SGCD: variants seen among roughly 807,000 people sequenced by gnomAD.
SGCD encodes delta-sarcoglycan.
A neutral mutation model predicts 36.6 loss-of-function variants in SGCD; 18 were observed. That is an observed-to-expected ratio of 0.49 (90% CI 0.34 to 0.73). The LOEUF is 0.73. Among genes scored for constraint, SGCD ranks in the 30% least tolerant of loss-of-function variants. SGCD has a pLI of 0.01. For missense variants in SGCD, 387 were observed against 346.7 expected (o/e 1.12, Z -0.92); for synonymous variants, 133 against 130.6 (o/e 1.02, Z -0.12).
At chr5:155,926,074 T>G (rs140583667) in intron 1 of SGCD, among the ~76,000 whole-genome samples, 178 of 152,260 alleles carry the variant, frequency 1.2e-3, no homozygotes, top group Middle Eastern at 3.4e-3. Context: ...CCAACTTTCA[T>G]CTGCTTGTGA....
intron 4 of SGCD, among the ~76,000 whole-genome samples, chr5:156,534,822 G>A (rs570351445): frequency 2.8e-4 from 42 of 152,254 alleles, no homozygotes; most frequent in African/African-American, 9.9e-4. Context: ...TATACAGGGT[G>A]CCTACAACAG....
chr5:156,627,426 C>G (rs1762477795), intron 6 of SGCD, among the ~76,000 whole-genome samples: 1 of 152,154 alleles, frequency 6.6e-6, no homozygotes, highest in South Asian at 2.1e-4. Context: ...TACTAGCTTA[C>G]TCTTCTGATT....
At chr5:156,654,467 A>G (rs1055792519) in intron 7 of SGCD, among the ~76,000 whole-genome samples, 1 of 152,154 alleles carries the variant, frequency 6.6e-6, no homozygotes, top group Non-Finnish European at 1.5e-5. Flanking sequence ...ATAAAAACTC[A>G]GGGAAGGAAC....
chr5:155,834,112 C>A, the SGCD span, among the ~76,000 whole-genome samples: 2 of 152,328 alleles, frequency 1.3e-5, no homozygotes, highest in Admixed American at 6.5e-5. Context: ...CACATACTAT[C>A]CTGCTCTGGT....
At chr5:156,428,288 T>C (rs1471299301) in intron 3 of SGCD, among the ~76,000 whole-genome samples, 3 of 152,174 alleles carry the variant, frequency 2.0e-5, no homozygotes, top group African/African-American at 7.2e-5. Flanking sequence ...TTTCTAGGAA[T>C]TTATCCATCT....
At chr5:156,294,162 A>G (rs1028059864) in intron 3 of SGCD, among the ~76,000 whole-genome samples, 4 of 152,282 alleles carry the variant, frequency 2.6e-5, no homozygotes, top group Non-Finnish European at 4.4e-5. Flanking sequence ...TAAAAATGCA[A>G]ATGATTTTTG....
rs562673814 is a variant in SGCD at position 156,195,347 on chromosome 5, G to C, written c.-44+71328G>C. Among the ~76,000 whole-genome samples, 3 of 152,260 alleles carry C rather than the reference G, an allele frequency of 2.0e-5. No homozygotes were observed. In the East Asian group the frequency reaches 5.8e-4, roughly 29 times the overall value. On this transcript the variant is annotated intron_variant, in intron 3 of 9. Coordinates refer to the SGCD transcript ENST00000517913. ...ATTCTTGATGCCATTAGAGAAATTA[G>C]TGTAAATGAGAAATTTTTATTCTAA...
intron 3 of SGCD, among the ~76,000 whole-genome samples, chr5:156,233,337 T>C (rs995016380): frequency 2.0e-5 from 3 of 152,232 alleles, no homozygotes; most frequent in Non-Finnish European, 4.4e-5. Context: ...CTTTCAATAA[T>C]TAAACATCAT....
chr5:156,699,557 G>T lies in SGCD; in HGVS notation c.575+52021G>T, dbSNP rs191287255. 1.3e-4 allele frequency among the ~76,000 whole-genome samples: 20 copies of T among 151,950 alleles called. No homozygotes were observed. In the East Asian group the frequency reaches 3.9e-3, roughly 29 times the overall value. Reference sequence around the variant, plus strand: ...TGGAATCTCTGCCCAATCTCTAAAAGAAATTGACTTGTTCTTCTCAAACAA... The same window carrying T: ...TGGAATCTCTGCCCAATCTCTAAAATAAATTGACTTGTTCTTCTCAAACAA... On this transcript the variant is annotated intron_variant, in intron 7 of 8. Transcript: ENST00000337851.
the SGCD span, among the ~76,000 whole-genome samples, chr5:155,786,376 G>A: frequency 6.6e-6 from 1 of 152,124 alleles, no homozygotes; most frequent in African/African-American, 2.4e-5. Flanking sequence ...AGCCACCTAA[G>A]CAGCCAGTGG....
Position 156,534,566 on chromosome 5 carries a change from C to A in SGCD, c.294+25864C>A, listed in dbSNP as rs533468050. Among the ~76,000 whole-genome samples, 4 of 152,240 alleles carry A rather than the reference C, an allele frequency of 2.6e-5. No homozygotes were observed. The East Asian group carries it at 7.7e-4, about 29-fold the overall frequency. ...CTAGTTCCCATATGGAAATGCTTTC[C>A]GTGGATATCTTCCTTCCCATGGGAA... On this transcript the variant is annotated intron_variant, in intron 4 of 8. Coordinates refer to ENST00000337851, the MANE Select transcript of SGCD (RefSeq NM_000337.6).
At chr5:156,544,685 C>T (rs775618360) in intron 4 of SGCD, among the ~76,000 whole-genome samples, 9 of 151,390 alleles carry the variant, frequency 5.9e-5, no homozygotes, top group Admixed American at 4.6e-4. Context: ...CGAGTTGTTT[C>T]GGCAAGAGGT....
At chr5:156,065,353 C>T (rs1378365219) in intron 1 of SGCD, among the ~76,000 whole-genome samples, 4 of 114,148 alleles carry the variant, frequency 3.5e-5, no homozygotes, top group African/African-American at 8.4e-5. Flanking sequence ...GCTTTACTTC[C>T]AACTATGTGG....
chr5:156,420,612 A>G (rs1464716413), intron 3 of SGCD, among the ~76,000 whole-genome samples: 2 of 152,052 alleles, frequency 1.3e-5, no homozygotes, highest in Non-Finnish European at 2.9e-5. Context: ...AAAGAAATGT[A>G]TTTTACTTCT....
At chr5:155,956,797 G>GCCC (rs35423272) in intron 1 of SGCD, among the ~76,000 whole-genome samples, 7 of 143,418 alleles carry the variant, frequency 4.9e-5, no homozygotes, top group African/African-American at 1.6e-4. Context: ...TGGACTCAGG[G>GCCC]CCCCCCCCCC....
chr5:156,449,604 G>A (rs1753906673), intron 3 of SGCD, among the ~76,000 whole-genome samples: 1 of 149,104 alleles, frequency 6.7e-6, no homozygotes, highest in South Asian at 2.1e-4. Flanking sequence ...GGCGGAAACG[G>A]GTGGATCACC....
At position 156,508,823 on chromosome 5, in the gene SGCD, T is replaced by A. The variant is rs1053195527; in HGVS notation, c.294+121T>A. On this transcript the variant is annotated intron_variant, in intron 4 of 8. Coordinates refer to ENST00000337851, the MANE Select transcript of SGCD (RefSeq NM_000337.6). The stretch of plus-strand genomic sequence containing the variant: ...GTGGGGAGTAATACTGGTATTAAGA[T>A]GAATTTGCTTTCTCTTCTGAATCTT... 32 of 561,770 alleles carry A rather than the reference T, an allele frequency of 5.7e-5. No individual in the cohort carries two copies. In the East Asian group the frequency reaches 8.3e-4, roughly 15 times the overall value. 34.8% of individuals were successfully genotyped at this position (561,770 alleles called of 1,614,324 possible).
chr5:155,744,745 A>C, the SGCD span, among the ~76,000 whole-genome samples: 1 of 152,204 alleles, frequency 6.6e-6, no homozygotes, highest in Non-Finnish European at 1.5e-5. Context: ...AGAAGTGGAG[A>C]GACAGAAAGG....
the SGCD span, among the ~76,000 whole-genome samples, chr5:155,853,002 T>C: frequency 1.3e-4 from 20 of 152,110 alleles, no homozygotes; most frequent in Non-Finnish European, 1.6e-4. Context: ...CTGACTTCAG[T>C]CACTATTTCC....
Sources: allele counts gnomAD v4.1 joint callset (sites outside exome capture counted in the v4.1 genomes callset), GRCh38; gene constraint gnomAD v4.1.1; transcripts MANE v1.5; gene names NCBI Gene and HGNC (gene_info 2026-07-23, HGNC 2026-07-21).